Variants in PDLIM5 observed in about 807,000 individuals in gnomAD.
PDLIM5 encodes the protein PDZ and LIM domain protein 5.
PDLIM5 carries 34 observed loss-of-function variants against 64.2 expected under a neutral mutation model. The ratio of observed to expected loss-of-function variants is 0.53; its 90% CI spans 0.40 to 0.71. The LOEUF (loss-of-function observed/expected upper bound fraction) is 0.71, where lower values mean the gene tolerates loss of function less well. Among genes scored for constraint, PDLIM5 ranks in the 30% least tolerant of loss-of-function variants. The pLI is 0.00. For synonymous variants in PDLIM5, 253 were observed against 269.1 expected, an observed-to-expected ratio of 0.94 and a Z score of 0.59; for missense variants, 683 against 733.6, an observed-to-expected ratio of 0.93 and a Z score of 0.80.
intron 7 of PDLIM5, among the ~76,000 whole-genome samples, chr4:94,608,959 T>C (rs1365384223): frequency 6.6e-6 from 1 of 152,218 alleles, no homozygotes; most frequent in Non-Finnish European, 1.5e-5. Context: ...ATTTAATGGA[T>C]AGACTTAGAT....
rs1740897330 is a variant in PDLIM5, at chr4:94,640,313, C to T, written c.1146C>T (p.Tyr382=). ...GAAGAATCTCAAACAGCGCTACTTA[C>T]TCAGGATCAGTGGCACCAGCCAACT... ...STGRISNSAT[Y]SGSVAPANSA... is the part of the protein sequence containing the mutation. The change falls in exon 9 of 13, where the codon TAC becomes TAT. Residue 382 remains tyrosine, a synonymous_variant. Transcript: ENST00000317968. 1.2e-6 allele frequency: 2 copies of T among 1,611,344 alleles called. No individual in the cohort carries two copies. The highest frequency in any genetic ancestry group is 3.3e-5 in the Admixed American group (2 of 59,904).
chr4:94,597,859 A>G (rs1332809810), intron 7 of PDLIM5, among the ~76,000 whole-genome samples: 2 of 152,172 alleles, frequency 1.3e-5, no homozygotes, highest in African/African-American at 2.4e-5. Context: ...AGGCATTCTG[A>G]AAAGCATGGC....
intron 7 of PDLIM5, among the ~76,000 whole-genome samples, chr4:94,614,070 C>G (rs558655471): frequency 1.4e-5 from 2 of 146,956 alleles, no homozygotes; most frequent in Non-Finnish European, 3.0e-5. Flanking sequence ...TCAAGTGATT[C>G]TCCTGCCTCA....
rs888540716 is a variant in PDLIM5, at chr4:94,564,858, G to A, written c.249-8493G>A. On this transcript the variant is annotated intron_variant, in intron 3 of 12. Transcript: ENST00000317968. The stretch of plus-strand genomic sequence containing the variant: ...TTTTTAGTAGAGACGGGGTTTCACC[G>A]TGTTAGCCAGGATGGTCTTGATCTC... Among the ~76,000 whole-genome samples the A allele has an allele frequency of 2.9e-4, 44 of 151,060 alleles. No individual in the cohort carries two copies. In the South Asian group the frequency reaches 3.6e-3, roughly 12 times the overall value.
At chr4:94,492,452 T>A (rs1726964957) in intron 2 of PDLIM5, among the ~76,000 whole-genome samples, 1 of 152,076 alleles carries the variant, frequency 6.6e-6, no homozygotes, top group Non-Finnish European at 1.5e-5. Flanking sequence ...TTCGGTGGCA[T>A]TTTGGTATTT....
chr4:94,654,270 C>T (rs560701538), intron 9 of PDLIM5, among the ~76,000 whole-genome samples, 190 bp from the exon 10 acceptor site: 18 of 152,218 alleles, frequency 1.2e-4, no homozygotes, highest in Admixed American at 8.5e-4. Flanking sequence ...GCACGTCTCC[C>T]GTTTTCTTTT....
At chr4:94,661,004 A>G (rs1742660666) in intron 11 of PDLIM5, among the ~76,000 whole-genome samples, 1 of 152,142 alleles carries the variant, frequency 6.6e-6, no homozygotes, top group Non-Finnish European at 1.5e-5. Flanking sequence ...CAATCACTTG[A>G]ACCCGAGAGG....
At chr4:94,561,894 C>T (rs1288175366) in intron 3 of PDLIM5, among the ~76,000 whole-genome samples, 1 of 152,124 alleles carries the variant, frequency 6.6e-6, no homozygotes, top group African/African-American at 2.4e-5. Flanking sequence ...AATCCATGGT[C>T]AGCATAATCA....
chr4:94,586,277 C>T lies in PDLIM5; in HGVS notation c.884-131C>T, dbSNP rs192542728. ...ACTATAGTTTATGGCCAATAACAGGCTACTATGGAATTCGTTTTAGTGGCT... is the reference window on the plus strand; with the variant it reads ...ACTATAGTTTATGGCCAATAACAGGTTACTATGGAATTCGTTTTAGTGGCT... On this transcript the variant is annotated intron_variant, in intron 6 of 12. Coordinates refer to ENST00000317968, the MANE Select transcript of PDLIM5 (RefSeq NM_006457.5). 100 of 597,672 alleles carry T rather than the reference C, an allele frequency of 1.7e-4. No homozygotes were observed. The East Asian group carries it at 2.7e-3, about 16-fold the overall frequency. 37.0% of individuals were successfully genotyped at this position (597,672 alleles called of 1,614,324 possible).
intron 6 of PDLIM5, among the ~76,000 whole-genome samples, chr4:94,586,073 G>A (rs1229708080): frequency 6.6e-6 from 1 of 152,144 alleles, no homozygotes; most frequent in East Asian, 1.9e-4. Context: ...GGGAGCCTGA[G>A]GCAGGAGAAT....
chr4:94,488,689 C>G (rs1246340078), intron 2 of PDLIM5, among the ~76,000 whole-genome samples: 30 of 152,188 alleles, frequency 2.0e-4, no homozygotes, highest in Admixed American at 2.0e-3. Flanking sequence ...AAATAGAACA[C>G]TTACACATTT....
intron 7 of PDLIM5, among the ~76,000 whole-genome samples, chr4:94,597,533 A>G (rs1488833972): frequency 6.6e-6 from 1 of 152,166 alleles, no homozygotes; most frequent in African/African-American, 2.4e-5. Context: ...CTGTGTTGAA[A>G]GACAGCAAAT....
chr4:94,598,403 C>T, intron 7 of PDLIM5, among the ~76,000 whole-genome samples: 1 of 152,048 alleles, frequency 6.6e-6, no homozygotes, highest in East Asian at 1.9e-4. Flanking sequence ...CCAAGAAAAT[C>T]AACTGAAGAC....
intron 2 of PDLIM5, among the ~76,000 whole-genome samples, chr4:94,470,091 C>T (rs543760118): frequency 6.6e-6 from 1 of 151,778 alleles, no homozygotes; most frequent in East Asian, 1.9e-4. Flanking sequence ...CTAAGCCTCC[C>T]CAGTAGCCGG....
At chr4:94,597,569 A>G (rs1244889415) in intron 7 of PDLIM5, among the ~76,000 whole-genome samples, 1 of 152,136 alleles carries the variant, frequency 6.6e-6, no homozygotes, top group Non-Finnish European at 1.5e-5. Context: ...CCAGAGGTTT[A>G]TTTATATCCT....
At chr4:94,626,585 A>G (rs911160684) in intron 8 of PDLIM5, among the ~76,000 whole-genome samples, 2 of 152,194 alleles carry the variant, frequency 1.3e-5, no homozygotes, top group African/African-American at 2.4e-5. Context: ...GGCAACTGCT[A>G]AGATCTGTTT....
At chr4:94,662,241 G>A (rs71601226) in intron 11 of PDLIM5, among the ~76,000 whole-genome samples, 181 bp from the exon 12 acceptor site, 2 of 151,690 alleles carry the variant, frequency 1.3e-5, no homozygotes, top group African/African-American at 2.4e-5. Context: ...AGGGAATCCT[G>A]AAACATGCTA....
intron 5 of PDLIM5, chr4:94,577,399 G>C (rs1280391486): frequency 2.2e-6 from 1 of 456,418 alleles, no homozygotes; most frequent in South Asian, 1.5e-5. Flanking sequence ...GAGAGCAGGA[G>C]CTCTAGAAGA....
intron 5 of PDLIM5, chr4:94,579,665 G>C (rs1454216651): frequency 6.7e-6 from 3 of 444,590 alleles, no homozygotes; most frequent in Admixed American, 4.2e-5. Context: ...ACCACATTTA[G>C]TATTTTCAGT....
Sources: allele counts gnomAD v4.1 joint callset (sites outside exome capture counted in the v4.1 genomes callset), GRCh38; gene constraint gnomAD v4.1.1; transcripts MANE v1.5; gene names NCBI Gene and HGNC (gene_info 2026-07-23, HGNC 2026-07-21).